The following SND1 variants were observed in gnomAD, a reference collection of about 807,000 sequenced individuals.
SND1 encodes the protein staphylococcal nuclease and tudor domain containing 1, also known as staphylococcal nuclease domain-containing protein 1.
A neutral mutation model predicts 121.7 loss-of-function variants in SND1; 38 were observed. That is an observed-to-expected ratio of 0.31 (90% CI 0.24 to 0.41). The LOEUF (loss-of-function observed/expected upper bound fraction) is 0.41. SND1 is among the 10% of genes least tolerant of loss of function. The pLI, the probability that SND1 is intolerant of heterozygous loss-of-function variation, is 1.00. For synonymous variants in SND1, 401 were observed against 447.4 expected, an observed-to-expected ratio of 0.90 and a Z score of 1.31; for missense variants, 868 against 1,184.6, an observed-to-expected ratio of 0.73 and a Z score of 3.92.
In SND1 at chr7:128,013,896, T is replaced by C. The variant is rs954609143; in HGVS notation, c.1779+22840T>C. Among the ~76,000 whole-genome samples, 64 of 152,224 alleles carry C rather than the reference T, an allele frequency of 4.2e-4. 1 individual carries two copies. The highest frequency in any genetic ancestry group is 4.1e-3 in the Admixed American group (63 of 15,284). ...ATGAGGGACAGCCTGTAGCTGGTAA[T>C]GGCTAGAGAGAAATAACCTATTTGA... On this transcript the variant is annotated intron_variant, in intron 16 of 23. Transcript: ENST00000354725.
At chr7:128,002,975 C>G (rs972936756) in intron 16 of SND1, among the ~76,000 whole-genome samples, 3 of 152,234 alleles carry the variant, frequency 2.0e-5, no homozygotes, top group Non-Finnish European at 2.9e-5. Context: ...GTAATTCCAA[C>G]ACTTTGGAGG....
rs182958679 is a variant in SND1, at chr7:127,754,995, A to T, written c.1152+33595A>T. Among the ~76,000 whole-genome samples, 3 of 152,248 alleles carry T rather than the reference A, an allele frequency of 2.0e-5. No homozygotes were observed. In the East Asian group the frequency reaches 5.8e-4, roughly 29 times the overall value. On this transcript the variant is annotated intron_variant, in intron 10 of 23. Coordinates refer to ENST00000354725, the MANE Select transcript of SND1 (RefSeq NM_014390.4). Reference sequence around the variant, plus strand: ...TAAATAAATTACTTTGGGTCTGTGGATTCTAATTTGCATGGCTCTACTTAG... The same window carrying T: ...TAAATAAATTACTTTGGGTCTGTGGTTTCTAATTTGCATGGCTCTACTTAG...
At chr7:127,808,934 A>G (rs954129510) in intron 11 of SND1, among the ~76,000 whole-genome samples, 1 of 152,230 alleles carries the variant, frequency 6.6e-6, no homozygotes, top group African/African-American at 2.4e-5. Flanking sequence ...CTAAAATCAC[A>G]TTGAAAGGAG....
chr7:128,035,134 G>A (rs1792724282), intron 16 of SND1, among the ~76,000 whole-genome samples: 2 of 152,230 alleles, frequency 1.3e-5, no homozygotes, highest in Non-Finnish European at 2.9e-5. Context: ...TGAGCCCTGT[G>A]CTAAGATTGG....
Position 127,816,442 on chromosome 7 carries a change from A to G in SND1, c.1242+8869A>G, listed in dbSNP as rs952555264. ...CCTTAACCTGGCCTTTTTGGATAAG[A>G]TATTTTTTCTGCAGCTTTGCCTTCT... is the stretch of plus-strand genomic sequence containing the variant. On this transcript the variant is annotated intron_variant, in intron 11 of 23. Transcript: ENST00000354725. Among the ~76,000 whole-genome samples the G allele has an allele frequency of 3.9e-5, 6 of 152,230 alleles. 1 individual carries two copies. Among genetic ancestry groups the G allele is most frequent in the Admixed American group, 3.3e-4 (5 of 15,298 alleles).
intron 10 of SND1, among the ~76,000 whole-genome samples, chr7:127,785,193 G>A (rs1797790019): frequency 6.6e-6 from 1 of 152,160 alleles, no homozygotes; most frequent in South Asian, 2.1e-4. Flanking sequence ...ATAGGAGTAA[G>A]CCACCATGCC....
Position 127,817,256 on chromosome 7 carries a change from C to T in SND1, c.1242+9683C>T, listed in dbSNP as rs113629640. ...TGATGGTATTTGATAAATATTAATG[C>T]GAAGTGTACTGATTGTGGTTATCTT... is the stretch of plus-strand genomic sequence containing the variant. On this transcript the variant is annotated intron_variant, in intron 11 of 23. Transcript: ENST00000354725. Among the ~76,000 whole-genome samples the T allele has an allele frequency of 1.4e-4, 21 of 152,238 alleles. 1 individual carries two copies. Among genetic ancestry groups the T allele is most frequent in the South Asian group, 4.1e-4 (2 of 4,828 alleles).
intron 10 of SND1, among the ~76,000 whole-genome samples, chr7:127,776,610 A>G (rs566790521): frequency 7.2e-5 from 11 of 152,364 alleles, no homozygotes; most frequent in African/African-American, 2.6e-4. Context: ...CAAAGGAGGT[A>G]CATATTTACA....
At chr7:127,871,952 G>A (rs570768177) in intron 12 of SND1, among the ~76,000 whole-genome samples, 139 of 152,176 alleles carry the variant, frequency 9.1e-4, no homozygotes, top group Middle Eastern at 3.4e-3. Flanking sequence ...GCAACATAGC[G>A]ACACCCCATC....
chr7:128,057,600 A>G (rs183174951), intron 16 of SND1, among the ~76,000 whole-genome samples: 229 of 152,258 alleles, frequency 1.5e-3, no homozygotes, highest in Non-Finnish European at 2.5e-3. Context: ...TCCAGTCAGG[A>G]AGCCAAAACA....
intron 10 of SND1, among the ~76,000 whole-genome samples, chr7:127,802,363 A>G (rs1423147117): frequency 6.6e-6 from 1 of 152,174 alleles, no homozygotes; most frequent in African/African-American, 2.4e-5. Flanking sequence ...TTGTAGTTTC[A>G]ACCAGGCTTT....
chr7:127,672,814 T>G (rs1216271655), intron 1 of SND1, among the ~76,000 whole-genome samples: 2 of 152,126 alleles, frequency 1.3e-5, no homozygotes, highest in Admixed American at 6.5e-5. Context: ...CTTTATAGAA[T>G]GTGCCTTGTC....
intron 15 of SND1, among the ~76,000 whole-genome samples, chr7:127,955,330 G>C (rs1801566734): frequency 6.6e-6 from 1 of 152,156 alleles, no homozygotes; most frequent in Admixed American, 6.5e-5. Flanking sequence ...AGGAGCTGGA[G>C]TTATGACATT....
chr7:127,788,900 T>G (rs1234610335), intron 10 of SND1, among the ~76,000 whole-genome samples: 1 of 152,178 alleles, frequency 6.6e-6, no homozygotes, highest in Non-Finnish European at 1.5e-5. Context: ...ATGAAGCATA[T>G]CTGACCTTTT....
At chr7:127,934,497 A>G (rs56922858) in intron 15 of SND1, among the ~76,000 whole-genome samples, 2,478 of 152,250 alleles carry the variant, frequency 0.016, 89 homozygotes, top group African/African-American at 0.057. Context: ...GAGAGCAATT[A>G]AGAGGCAAGA....
chr7:127,872,619 A>G (rs957683989), intron 12 of SND1, among the ~76,000 whole-genome samples: 5 of 116,058 alleles, frequency 4.3e-5, no homozygotes, highest in African/African-American at 1.8e-4. Context: ...GACCTTTTTT[A>G]ACACACACGC....
intron 16 of SND1, among the ~76,000 whole-genome samples, chr7:128,019,411 C>T (rs1803298432): frequency 6.6e-6 from 1 of 152,202 alleles, no homozygotes; most frequent in African/African-American, 2.4e-5. Flanking sequence ...CGTCTCAACA[C>T]CAGCATAACA....
At chr7:127,808,813 A>G (rs1046096199) in intron 11 of SND1, among the ~76,000 whole-genome samples, 1 of 152,206 alleles carries the variant, frequency 6.6e-6, no homozygotes, top group African/African-American at 2.4e-5. Context: ...AATGTCTGAC[A>G]TCTCTATTAC....
At chr7:127,663,707 G>A (rs1795360256) in intron 1 of SND1, among the ~76,000 whole-genome samples, 1 of 152,074 alleles carries the variant, frequency 6.6e-6, no homozygotes, top group African/African-American at 2.4e-5. Context: ...TGCCGGCCCC[G>A]CCAACCCCAG....
Sources: gnomAD v4.1 joint callset for allele counts (sites outside exome capture counted in the v4.1 genomes callset) on GRCh38, gnomAD v4.1.1 for gene constraint, MANE v1.5 for transcripts, NCBI Gene and HGNC (gene_info 2026-07-23, HGNC 2026-07-21) for gene names.